The following ZNF599 variants were observed in gnomAD, a reference collection of about 807,000 sequenced individuals.
The protein encoded by ZNF599 is zinc finger protein 599.
ZNF599 carries 10 observed loss-of-function variants against 11.7 expected under a neutral mutation model. That is an observed-to-expected ratio of 0.86 (90% confidence interval 0.53 to 1.45). The LOEUF (loss-of-function observed/expected upper bound fraction) is 1.45. Ranked by LOEUF, ZNF599 falls within the 40% of genes most tolerant of loss-of-function variation. The pLI is 0.00. For synonymous variants in ZNF599, 232 were observed against 253.2 expected, an observed-to-expected ratio of 0.92 and a Z score of 0.79; for missense variants, 688 against 713.6, an observed-to-expected ratio of 0.96 and a Z score of 0.41.
the ZNF599 span, among the ~76,000 whole-genome samples, chr19:34,782,693 G>T: frequency 2.6e-5 from 4 of 152,316 alleles, 1 homozygote; most frequent in South Asian, 8.3e-4. Context: ...GGGGCAAGGG[G>T]ACAGGAAGAA....
chr19:34,773,028 G>A lies in ZNF599; in HGVS notation c.-187C>T, dbSNP rs927463898. 4.5e-6 allele frequency: 3 copies of A among 667,486 alleles called. No individual in the cohort carries two copies. The highest frequency in any genetic ancestry group is 4.7e-6 in the Non-Finnish European group (2 of 423,804). 41.3% of individuals were successfully genotyped at this position (667,486 alleles called of 1,614,324 possible). ...ACACAGGGCTGTCGCCAAGGCCCCA[G>A]GAAGGGTTTTGCAGACGCTTGTGGG... On this transcript the variant is annotated 5_prime_UTR_variant, in exon 1 of 4. Transcript: ENST00000329285.
chr19:34,773,692 C>A (rs532974788), upstream of ZNF599, among the ~76,000 whole-genome samples: 1 of 141,924 alleles, frequency 7.0e-6, no homozygotes, highest in Non-Finnish European at 1.6e-5. Flanking sequence ...CCCACTGAAT[C>A]AGGTACTCTG....
intron 2 of ZNF599, among the ~76,000 whole-genome samples, chr19:34,768,412 G>A (rs1056407989): frequency 2.0e-5 from 3 of 152,200 alleles, no homozygotes; most frequent in African/African-American, 7.2e-5. Context: ...TGAGGACGCA[G>A]GACTGGGAGA....
chr19:34,759,937 A>G lies in ZNF599; in HGVS notation c.864T>C (p.Cys288=). The part of the protein sequence containing the change: ...TGDKPYECKE[C]GKAFTHRSSF... ...AAGAGCGGTGGGTGAATGCTTTGCC[A>G]CATTCTTTGCACTCATAGGGCTTAT... The change falls in exon 4 of 4, where the codon TGT becomes TGC. Residue 288 remains cysteine (C), a synonymous_variant. Coordinates refer to ENST00000329285, the MANE Select transcript of ZNF599 (RefSeq NM_001007248.3). 1 of 1,614,180 alleles carries G rather than the reference A, an allele frequency of 6.2e-7. No individual in the cohort carries two copies.
At chr19:34,804,837 G>A in the ZNF599 span, among the ~76,000 whole-genome samples, 1 of 152,252 alleles carries the variant, frequency 6.6e-6, no homozygotes, top group African/African-American at 2.4e-5. Flanking sequence ...CATGGTCCAG[G>A]ACACACAGCC....
the ZNF599 span, among the ~76,000 whole-genome samples, chr19:34,797,080 T>G: frequency 3.9e-5 from 6 of 152,040 alleles, no homozygotes; most frequent in African/African-American, 1.5e-4. Context: ...TTTTTGTCCT[T>G]GCGATAGTTT....
At chr19:34,772,393 CTG>C (rs2069188788) in intron 1 of ZNF599, 1 of 1,006,096 alleles carries the variant, frequency 9.9e-7, no homozygotes, top group South Asian at 4.6e-5. Context: ...CAGACTTCCG[CTG>C]GAATGATCCC....
rs1426428735 is a variant in ZNF599 at position 34,769,433 on chromosome 19, TGAGACCAG to T, written c.133_140del (p.Leu45ThrfsTer35). Reference sequence around the variant, plus strand: ...GGGAGGGTAATGAGGTCTTACCCAGTGAGACCAGGAGCCTGCAGGTCTCCAGCATCACC... The same window carrying T: ...GGGAGGGTAATGAGGTCTTACCCAGTGAGCCTGCAGGTCTCCAGCATCACC... On this transcript the variant is annotated frameshift_variant, in exon 2 of 4. Transcript: ENST00000329285. LOFTEE classifies it high-confidence loss of function. 1 of 1,614,126 alleles carries T rather than the reference TGAGACCAG, an allele frequency of 6.2e-7. No homozygotes were observed.
At chr19:34,783,966 CAA>C in the ZNF599 span, among the ~76,000 whole-genome samples, 4 of 152,192 alleles carry the variant, frequency 2.6e-5, no homozygotes, top group Non-Finnish European at 5.9e-5. Flanking sequence ...ACATGGCATG[CAA>C]AGAGTGCTTG....
At chr19:34,768,294 G>C (rs988380934) in intron 2 of ZNF599, among the ~76,000 whole-genome samples, 1 of 152,208 alleles carries the variant, frequency 6.6e-6, no homozygotes, top group Non-Finnish European at 1.5e-5. Context: ...TGCTGCTCAT[G>C]TTGGTCCCTC....
the ZNF599 span, among the ~76,000 whole-genome samples, chr19:34,794,994 T>C: frequency 6.6e-6 from 1 of 152,116 alleles, no homozygotes; most frequent in Admixed American, 6.6e-5. Context: ...GAATACCTGA[T>C]ATAAGGGGCC....
At chr19:34,761,455 A>C (rs1193067313) in intron 3 of ZNF599, among the ~76,000 whole-genome samples, 1 of 152,352 alleles carries the variant, frequency 6.6e-6, no homozygotes, top group South Asian at 2.1e-4. Flanking sequence ...CTGACTGTGG[A>C]TAGAGATCAG....
chr19:34,792,494 T>G, the ZNF599 span, among the ~76,000 whole-genome samples: 1 of 152,160 alleles, frequency 6.6e-6, no homozygotes, highest in East Asian at 1.9e-4. Flanking sequence ...CTATGATTTT[T>G]GAGGGTGCAA....
At chr19:34,795,210 T>C in the ZNF599 span, among the ~76,000 whole-genome samples, 2 of 152,236 alleles carry the variant, frequency 1.3e-5, no homozygotes, top group African/African-American at 4.8e-5. Context: ...TATCCTTTGA[T>C]GGAGTCTCAG....
intron 1 of ZNF599, chr19:34,772,571 C>G: frequency 7.5e-7 from 1 of 1,338,144 alleles, no homozygotes. Context: ...GAATGGAGGC[C>G]GAGGGCAGCG....
the ZNF599 span, among the ~76,000 whole-genome samples, chr19:34,783,390 A>G: frequency 1.3e-5 from 2 of 152,186 alleles, no homozygotes; most frequent in African/African-American, 4.8e-5. Flanking sequence ...GGATCGAGTA[A>G]TCTGAATAAT....
the ZNF599 span, chr19:34,788,824 G>A: frequency 1.3e-5 from 2 of 152,124 alleles, no homozygotes; most frequent in Admixed American, 6.5e-5. Flanking sequence ...CTTTTTAAAA[G>A]TATTAACAGA....
In ZNF599 at chr19:34,759,013, T is replaced by A; in HGVS notation, c.*21A>T. 1.9e-6 allele frequency: 3 copies of A among 1,584,192 alleles called. No homozygotes were observed. The African/African-American group carries it at 4.0e-5, about 21-fold the overall frequency. On this transcript the variant is annotated 3_prime_UTR_variant, in exon 4 of 4. Transcript: ENST00000329285. ...AGTTCACTAAAGACAAACACACTTG[T>A]AATAGGCCTTCCTGTATCTTTTAAA...
At chr19:34,785,307 A>G in the ZNF599 span, among the ~76,000 whole-genome samples, 4 of 152,106 alleles carry the variant, frequency 2.6e-5, no homozygotes, top group Admixed American at 2.0e-4. Context: ...AGCGAACACC[A>G]CTTACCTGGA....
Sources: gnomAD v4.1 joint callset for allele counts (sites outside exome capture counted in the v4.1 genomes callset) on GRCh38, gnomAD v4.1.1 for gene constraint, MANE v1.5 for transcripts, NCBI Gene and HGNC (gene_info 2026-07-23, HGNC 2026-07-21) for gene names.